Variants in TP53TG5 observed in about 807,000 individuals in gnomAD.
The protein encoded by TP53TG5 is TP53-target gene 5 protein.
A neutral mutation model predicts 30.0 loss-of-function variants in TP53TG5; 17 were observed. The observed-to-expected ratio is 0.57, with a 90% CI of 0.39 to 0.85. The LOEUF is 0.85. Ranked by LOEUF, TP53TG5 falls within the 40% of genes least tolerant of loss-of-function variation. The pLI is 0.00. For missense variants in TP53TG5, 338 were observed against 367.9 expected (o/e 0.92, Z 0.67); for synonymous variants, 137 against 139.2 (o/e 0.98, Z 0.11).
At position 45,373,923 on chromosome 20, in the gene TP53TG5, G is replaced by A. The variant is rs1397322636; in HGVS notation, c.857C>T (p.Ser286Leu). ...QLKGRNGWRNSRVYK is the reference protein window; with the variant it reads ...QLKGRNGWRNLRVYK The stretch of plus-strand genomic sequence containing the variant: ...TGGAAGATCTTATTTGTAGACTCGT[G>A]AATTTCGCCACCCATTCCTCCCCTT... The change falls in exon 5 of 5, where the codon TCA becomes TTA. Residue 286 changes from serine (S) to leucine (L), a missense_variant. Coordinates refer to ENST00000372726, the MANE Select transcript of TP53TG5 (RefSeq NM_014477.3). 6.2e-7 allele frequency: 1 copy of A among 1,613,980 alleles called. No individual in the cohort carries two copies. Among genetic ancestry groups the A allele is most frequent in the African/African-American group, 1.3e-5 (1 of 74,990 alleles).
chr20:45,374,217 C>T (rs1272349672), intron 4 of TP53TG5: 8 of 682,232 alleles, frequency 1.2e-5, no homozygotes, highest in Admixed American at 4.4e-5. Context: ...CACGAAAGGG[C>T]TGCGGTATTT....
chr20:45,378,086 T>C (rs1988786331), intron 1 of TP53TG5, 103 bp downstream of exon 1: 1 of 1,524,738 alleles, frequency 6.6e-7, no homozygotes, highest in Non-Finnish European at 9.0e-7. Context: ...CCTTCACCTT[T>C]TCCTTTTCTC....
intron 3 of TP53TG5, chr20:45,376,057 G>A (rs900549302): frequency 1.3e-5 from 2 of 153,378 alleles, no homozygotes; most frequent in Non-Finnish European, 2.9e-5. Context: ...ACCAGCCTGG[G>A]CAACATGGTG....
At chr20:45,376,872 G>T (rs560954037) in intron 3 of TP53TG5, 14 of 207,618 alleles carry the variant, frequency 6.7e-5, no homozygotes, top group African/African-American at 3.2e-4. Context: ...ATATTGACTT[G>T]CAGGGGAGGA....
chr20:45,377,137 T>C, intron 3 of TP53TG5, 75 bp downstream of exon 3: 1 of 1,564,172 alleles, frequency 6.4e-7, no homozygotes, highest in African/African-American at 1.4e-5. Flanking sequence ...ACTTGTTCTC[T>C]AAATGCCTTA....
At chr20:45,374,210 G>T in intron 4 of TP53TG5, 199 bp from the exon 5 acceptor site, 1 of 679,360 alleles carries the variant, frequency 1.5e-6, no homozygotes, top group South Asian at 1.6e-5. Flanking sequence ...ATTCTCCCAC[G>T]AAAGGGCTGC....
At chr20:45,377,667 G>A (rs1371301938) in intron 1 of TP53TG5, 54 bp from the exon 2 acceptor site, 2 of 1,562,496 alleles carry the variant, frequency 1.3e-6, no homozygotes, top group Non-Finnish European at 1.8e-6. Context: ...GCCAGGTGTG[G>A]TGCCTCATGT....
At chr20:45,375,577 A>T in intron 3 of TP53TG5, 25 bp from the exon 4 acceptor site, 4 of 1,590,318 alleles carry the variant, frequency 2.5e-6, no homozygotes, top group Non-Finnish European at 3.4e-6. Flanking sequence ...AAAGGCAGTC[A>T]GCACAGCAGG....
intron 1 of TP53TG5, 65 bp from the exon 2 acceptor site, chr20:45,377,678 CTG>C (rs1988774677): frequency 2.0e-6 from 3 of 1,527,860 alleles, no homozygotes; most frequent in African/African-American, 2.7e-5. Flanking sequence ...TGCCTCATGT[CTG>C]TAATCCCAGC....
chr20:45,377,474 A>G (rs1228692022), intron 2 of TP53TG5, 65 bp downstream of exon 2: 10 of 1,609,032 alleles, frequency 6.2e-6, no homozygotes, highest in Non-Finnish European at 7.7e-6. Flanking sequence ...CAGCCTGGCA[A>G]CCAGGGGCAG....
At position 45,373,655 on chromosome 20, in the gene TP53TG5, A is replaced by G. The variant is rs542711255; in HGVS notation, c.*252T>C. ...GGCGATTGTGAGGCACTTTGCACCC[A>G]GGAAGCACACGAGCGCCCTGACTTC... On this transcript the variant is annotated 3_prime_UTR_variant, in exon 5 of 5. Coordinates refer to ENST00000372726, the MANE Select transcript of TP53TG5 (RefSeq NM_014477.3). 2.0e-3 allele frequency: 1,079 copies of G among 543,644 alleles called. 1 individual carries two copies. The highest frequency in any genetic ancestry group is 3.0e-3 in the Middle Eastern group (6 of 1,982). 33.7% of individuals were successfully genotyped at this position (543,644 alleles called of 1,614,324 possible).
At position 45,373,594 on chromosome 20, in the gene TP53TG5, G is replaced by C; in HGVS notation, c.*313C>G. 1 of 401,002 alleles carries C rather than the reference G, an allele frequency of 2.5e-6. No homozygotes were observed. Among genetic ancestry groups the C allele is most frequent in the South Asian group, 3.3e-5 (1 of 29,860 alleles). 24.8% of individuals were successfully genotyped at this position (401,002 alleles called of 1,614,324 possible). A position where few individuals can be genotyped will look rare whatever the true frequency, so the allele number is the denominator to read the frequency against. On this transcript the variant is annotated 3_prime_UTR_variant, in exon 5 of 5. Coordinates refer to ENST00000372726, the MANE Select transcript of TP53TG5 (RefSeq NM_014477.3). ...AGTGAGCCTGGGCAAGTTACTTGCT[G>C]CCTCCGCGCCGCGGTTTCCTCTTGC... is the stretch of plus-strand genomic sequence containing the variant.
chr20:45,376,897 C>A, intron 3 of TP53TG5: 1 of 248,944 alleles, frequency 4.0e-6, no homozygotes, highest in Non-Finnish European at 7.8e-6. Flanking sequence ...GAGGAGTAAC[C>A]TGTCTGTCTC....
chr20:45,378,056 C>T (rs2741648), intron 1 of TP53TG5, 133 bp downstream of exon 1: 3 of 1,242,610 alleles, frequency 2.4e-6, no homozygotes, highest in African/African-American at 1.5e-5. Flanking sequence ...ACCATTTTAA[C>T]TCTCCTGACC....
intron 1 of TP53TG5, 58 bp from the exon 2 acceptor site, chr20:45,377,671 C>T (rs996327654): frequency 5.2e-6 from 8 of 1,552,114 alleles, no homozygotes; most frequent in Non-Finnish European, 6.2e-6. Flanking sequence ...GGTGTGGTGC[C>T]TCATGTCTGT....
chr20:45,374,923 A>G (rs1600755935), intron 4 of TP53TG5, 116 bp downstream of exon 4: 1 of 1,410,108 alleles, frequency 7.1e-7, no homozygotes, highest in South Asian at 1.4e-5. Context: ...TCCCAGCACT[A>G]CCAGCCACAC....
In TP53TG5 at chr20:45,378,186, G is replaced by T; in HGVS notation, c.48+3C>A. Reference sequence around the variant, plus strand: ...ACCCCCAGGGTCTAGTCCCAAGTCTGACCTTGGAAACCCTGCTGTTCTTGG... The same window carrying T: ...ACCCCCAGGGTCTAGTCCCAAGTCTTACCTTGGAAACCCTGCTGTTCTTGG... On this transcript the variant is annotated splice_donor_region_variant and intron_variant, in intron 1 of 4. Coordinates refer to ENST00000372726, the MANE Select transcript of TP53TG5 (RefSeq NM_014477.3). 1 of 1,614,080 alleles carries T rather than the reference G, an allele frequency of 6.2e-7. No individual in the cohort carries two copies. Among genetic ancestry groups the T allele is most frequent in the East Asian group, 2.2e-5 (1 of 44,880 alleles).
At position 45,375,072 on chromosome 20, in the gene TP53TG5, T is replaced by C. The variant is rs1389197072; in HGVS notation, c.735A>G (p.Ala245=). 1.9e-6 allele frequency: 3 copies of C among 1,613,946 alleles called. No homozygotes were observed. The highest frequency in any genetic ancestry group is 1.3e-5 in the African/African-American group (1 of 74,934). Residue 245 remains alanine, a synonymous_variant, in exon 4 of 5, where the codon GCA becomes GCG. Coordinates refer to ENST00000372726, the MANE Select transcript of TP53TG5 (RefSeq NM_014477.3). ...GATGCCACATAGGCATTTCAAGTGA[T>C]GCGGAGCAGAAGCGGGTGCAGCGGC... ...VKRRCTRFCS[A]SLEMPMWHPY...
At chr20:45,377,408 G>C in intron 2 of TP53TG5, 66 bp from the exon 3 acceptor site, 2 of 1,611,052 alleles carry the variant, frequency 1.2e-6, no homozygotes, top group Non-Finnish European at 1.7e-6. Context: ...CCTCTCCCCT[G>C]CCTGCCTCTG....
Sources: allele counts gnomAD v4.1 joint callset, GRCh38; gene constraint gnomAD v4.1.1; transcripts MANE v1.5; gene names NCBI Gene and HGNC (gene_info 2026-07-23, HGNC 2026-07-21).